UBE2N: variants seen among roughly 807,000 people sequenced by gnomAD.
The protein encoded by UBE2N is ubiquitin-conjugating enzyme E2 N.
For missense variants in UBE2N, 60 were observed against 192.1 expected (o/e 0.31, Z 4.07); for synonymous variants, 70 against 69.2 (o/e 1.01, Z -0.06).
chr12:93,441,193 G>A (rs879801034), intron 1 of UBE2N: 1 of 152,494 alleles, frequency 6.6e-6, no homozygotes, highest in African/African-American at 2.4e-5. Flanking sequence ...GTATTCAGAA[G>A]AGAGAGATCG....
In UBE2N at chr12:93,419,614, C is replaced by G. The variant is rs543686473; in HGVS notation, c.31-8315G>C. Reference sequence around the variant, plus strand: ...TTAATTTTTACAGTACACACTACCCCCTAGTGGACATAAGACATCATCTAC... The same window carrying G: ...TTAATTTTTACAGTACACACTACCCGCTAGTGGACATAAGACATCATCTAC... On this transcript the variant is annotated intron_variant, in intron 1 of 3. Coordinates refer to ENST00000318066, the MANE Select transcript of UBE2N (RefSeq NM_003348.4). Among the ~76,000 whole-genome samples, 532 of 152,252 alleles carry G rather than the reference C, an allele frequency of 3.5e-3. 1 individual carries two copies. The highest frequency in any genetic ancestry group is 6.4e-3 in the Non-Finnish European group (436 of 68,002).
At chr12:93,438,732 CA>C (rs1879010003) in intron 1 of UBE2N, among the ~76,000 whole-genome samples, 1 of 151,976 alleles carries the variant, frequency 6.6e-6, no homozygotes, top group Admixed American at 6.6e-5. Flanking sequence ...TGGAAGTGAA[CA>C]GAGGTTTGAA....
chr12:93,409,811 C>A lies in UBE2N; in HGVS notation c.*228G>T, dbSNP rs1301510198. ...GCAGGGAGGGGCCACTGCTTTTAAA[C>A]GTTTCACAACAATCCAGATGATACT... On this transcript the variant is annotated 3_prime_UTR_variant, in exon 4 of 4. Coordinates refer to ENST00000318066, the MANE Select transcript of UBE2N (RefSeq NM_003348.4). 9.7e-6 allele frequency: 5 copies of A among 514,550 alleles called. No individual in the cohort carries two copies. Among genetic ancestry groups the A allele is most frequent in the Non-Finnish European group, 1.7e-5 (5 of 287,092 alleles). The allele number at this position is 514,550 out of a possible 1,614,324, so 31.9% of individuals were successfully genotyped here.
chr12:93,441,713 GCCGCC>G, intron 1 of UBE2N, 137 bp downstream of exon 1: 1 of 1,162,596 alleles, frequency 8.6e-7, no homozygotes, highest in Non-Finnish European at 1.2e-6. Context: ...GACTTCCCTC[GCCGCC>G]GCGGCCAACC....
At chr12:93,441,071 C>T (rs1283501987) in intron 1 of UBE2N, 2 of 152,948 alleles carry the variant, frequency 1.3e-5, no homozygotes, top group Admixed American at 6.5e-5. Context: ...AGAGAATCCC[C>T]CATAACTGCG....
chr12:93,429,046 C>A (rs894301705), intron 1 of UBE2N, among the ~76,000 whole-genome samples: 2 of 152,040 alleles, frequency 1.3e-5, no homozygotes, highest in East Asian at 3.9e-4. Flanking sequence ...CTGAGGCGGG[C>A]GGATCACGAG....
chr12:93,441,781 G>A (rs1427142908), intron 1 of UBE2N, 74 bp downstream of exon 1: 2 of 1,556,078 alleles, frequency 1.3e-6, no homozygotes, highest in East Asian at 2.6e-5. Context: ...CGAAGGAGGC[G>A]AGAGGCCGCG....
chr12:93,423,836 T>C (rs1462221206), intron 1 of UBE2N, among the ~76,000 whole-genome samples: 1 of 152,212 alleles, frequency 6.6e-6, no homozygotes, highest in East Asian at 1.9e-4. Context: ...ATAATTACTG[T>C]TTTAGTCTTC....
At chr12:93,436,312 C>T (rs377221205) in intron 1 of UBE2N, among the ~76,000 whole-genome samples, 1 of 152,214 alleles carries the variant, frequency 6.6e-6, no homozygotes, top group African/African-American at 2.4e-5. Flanking sequence ...TTATGTTGTA[C>T]AGCCCAGTCT....
intron 1 of UBE2N, among the ~76,000 whole-genome samples, chr12:93,431,701 T>G (rs745547029): frequency 2.0e-5 from 3 of 152,222 alleles, no homozygotes; most frequent in Non-Finnish European, 2.9e-5. Flanking sequence ...ATTTCATAAT[T>G]AGAAACACTT....
intron 1 of UBE2N, among the ~76,000 whole-genome samples, chr12:93,432,932 G>GTTTT (rs1565797997): frequency 2.3e-4 from 4 of 17,534 alleles, no homozygotes; most frequent in African/African-American, 5.1e-4. Flanking sequence ...GCTTCATTCA[G>GTTTT]GTTTTTTTTT....
rs1010390085 is a variant in UBE2N at position 93,409,245 on chromosome 12, G to C, written c.*794C>G. The stretch of plus-strand genomic sequence containing the variant: ...AAATCCACCTCTTGCCATTCAATTT[G>C]TCAGATGGTGAAGACCAAGAAAGAA... On this transcript the variant is annotated 3_prime_UTR_variant, in exon 4 of 4. Transcript: ENST00000318066. 2.0e-5 allele frequency: 3 copies of C among 152,718 alleles called. No homozygotes were observed. Among genetic ancestry groups the C allele is most frequent in the Non-Finnish European group, 4.4e-5 (3 of 68,034 alleles). 9.5% of individuals were successfully genotyped at this position (152,718 alleles called of 1,614,324 possible). A position where few individuals can be genotyped will look rare whatever the true frequency, so the allele number is the denominator to read the frequency against.
intron 1 of UBE2N, among the ~76,000 whole-genome samples, chr12:93,414,980 A>C (rs1416944616): frequency 6.6e-6 from 1 of 152,206 alleles, no homozygotes; most frequent in Non-Finnish European, 1.5e-5. Context: ...TGATGTTATG[A>C]AAAGAGGGAA....
chr12:93,412,755 T>C (rs1878067285), intron 1 of UBE2N, among the ~76,000 whole-genome samples: 1 of 152,156 alleles, frequency 6.6e-6, no homozygotes, highest in Non-Finnish European at 1.5e-5. Flanking sequence ...AAGGAGGAAG[T>C]AACTTGTGGA....
In UBE2N at chr12:93,409,469, A is replaced by G. The variant is rs1877968352; in HGVS notation, c.*570T>C. 2 of 167,060 alleles carry G rather than the reference A, an allele frequency of 1.2e-5. No homozygotes were observed. The highest frequency in any genetic ancestry group is 4.1e-4 in the South Asian group (2 of 4,834). 10.3% of individuals were successfully genotyped at this position (167,060 alleles called of 1,614,324 possible). A position where few individuals can be genotyped will look rare whatever the true frequency, so the allele number is the denominator to read the frequency against. On this transcript the variant is annotated 3_prime_UTR_variant, in exon 4 of 4. Coordinates refer to ENST00000318066, the MANE Select transcript of UBE2N (RefSeq NM_003348.4). ...AGGGGGGAATCTACACTTGACAGCA[A>G]TGTTATTAGTGAGGGCTGTGATGTT...
Position 93,411,269 on chromosome 12 carries a change from G to C in UBE2N, c.61C>G (p.Pro21Ala). The change falls in exon 2 of 4, where the codon CCT becomes GCT. Residue 21 changes from proline to alanine, a missense_variant. Coordinates refer to ENST00000318066, the MANE Select transcript of UBE2N (RefSeq NM_003348.4). ...ETQRLLAEPV[P>A]GIKAEPDESN... ...TCATCTGGTTCGGCTTTGATGCCAG[G>C]AACTGGTTCTGCCAGCAAACGCTGG... 4.3e-6 allele frequency: 7 copies of C among 1,609,990 alleles called. No homozygotes were observed. Among genetic ancestry groups the C allele is most frequent in the Non-Finnish European group, 5.9e-6 (7 of 1,176,944 alleles).
intron 1 of UBE2N, among the ~76,000 whole-genome samples, chr12:93,435,928 T>G (rs904678521): frequency 1.3e-5 from 2 of 148,744 alleles, no homozygotes; most frequent in Non-Finnish European, 3.1e-5. Flanking sequence ...AAGTAAATTT[T>G]TAAGCACCAT....
intron 1 of UBE2N, among the ~76,000 whole-genome samples, chr12:93,416,075 T>C (rs1195082035): frequency 6.6e-6 from 1 of 152,214 alleles, no homozygotes; most frequent in Non-Finnish European, 1.5e-5. Flanking sequence ...ATAGTCCTTA[T>C]AATATATGCT....
chr12:93,410,008 G>A lies in UBE2N; in HGVS notation c.*31C>T. ...AGGAGGAAGTCTTGGCAGAACAGGA[G>A]AAGTGATGCACACTTGATGATCGTA... On this transcript the variant is annotated 3_prime_UTR_variant, in exon 4 of 4. Transcript: ENST00000318066. 1 of 1,608,064 alleles carries A rather than the reference G, an allele frequency of 6.2e-7. No homozygotes were observed. Among genetic ancestry groups the A allele is most frequent in the Non-Finnish European group, 8.5e-7 (1 of 1,175,662 alleles).
Sources: gnomAD v4.1 joint callset for allele counts (sites outside exome capture counted in the v4.1 genomes callset) on GRCh38, gnomAD v4.1.1 for gene constraint, MANE v1.5 for transcripts, NCBI Gene and HGNC (gene_info 2026-07-23, HGNC 2026-07-21) for gene names.